The following ITSN1 variants were observed in gnomAD, a reference collection of about 807,000 sequenced individuals.
The protein encoded by ITSN1 is intersectin 1, also known as intersectin-1.
Under a neutral mutation model 239.8 loss-of-function variants are expected in ITSN1, and 58 were observed. The ratio of observed to expected loss-of-function variants is 0.24; its 90% CI spans 0.20 to 0.30. ITSN1 has a LOEUF of 0.30. ITSN1 is among the 10% of genes least tolerant of loss of function. The probability of loss-of-function intolerance (pLI) is 1.00; values close to 1 mark genes in which losing one functional copy is unlikely to be tolerated. For synonymous variants in ITSN1, 780 were observed against 770.8 expected (o/e 1.01, Z -0.20); for missense variants, 1,558 against 2,103.3 (o/e 0.74, Z 5.07).
At chr21:33,698,710 C>T (rs2091896320) in intron 1 of ITSN1, among the ~76,000 whole-genome samples, 2 of 152,126 alleles carry the variant, frequency 1.3e-5, no homozygotes, top group African/African-American at 4.8e-5. Context: ...TACCTTTTCT[C>T]TGTGTTTTAA....
At chr21:33,801,360 G>A (rs533642386) in intron 19 of ITSN1, among the ~76,000 whole-genome samples, 1 of 152,308 alleles carries the variant, frequency 6.6e-6, no homozygotes, top group South Asian at 2.1e-4. Flanking sequence ...ATAACAATAT[G>A]TTTGGCACTT....
intron 1 of ITSN1, among the ~76,000 whole-genome samples, chr21:33,700,951 CTG>C (rs72389168): frequency 0.23 from 32,613 of 141,636 alleles, 3,512 homozygotes; most frequent in Middle Eastern, 0.31. Context: ...TTTCTTTTTT[CTG>C]TGTGTGTGTG....
intron 9 of ITSN1, among the ~76,000 whole-genome samples, chr21:33,764,532 G>A (rs986289479): frequency 6.6e-5 from 10 of 152,152 alleles, no homozygotes; most frequent in African/African-American, 2.2e-4. Flanking sequence ...GGGCAAAGGA[G>A]GGAGTTGCTA....
At chr21:33,750,095 T>G in intron 5 of ITSN1, 48 bp from the exon 6 acceptor site, 3 of 1,557,604 alleles carry the variant, frequency 1.9e-6, no homozygotes, top group Non-Finnish European at 2.7e-6. Flanking sequence ...TATTCAGTGT[T>G]GAAATGTGAT....
intron 9 of ITSN1, among the ~76,000 whole-genome samples, chr21:33,765,358 C>A (rs1412030906): frequency 6.6e-6 from 1 of 152,184 alleles, no homozygotes; most frequent in Admixed American, 6.5e-5. Context: ...ATTAGCTAGG[C>A]ATGGTGGCGC....
chr21:33,793,698 G>C (rs2071324396), intron 16 of ITSN1, among the ~76,000 whole-genome samples: 1 of 152,144 alleles, frequency 6.6e-6, no homozygotes, highest in Admixed American at 6.5e-5. Context: ...TCAAATTATA[G>C]CTTTTTACTT....
chr21:33,795,645 G>A (rs2071488846), intron 17 of ITSN1, among the ~76,000 whole-genome samples: 1 of 151,934 alleles, frequency 6.6e-6, no homozygotes, highest in Non-Finnish European at 1.5e-5. Flanking sequence ...TGGTTTTCTT[G>A]GGGGTCAGAC....
At chr21:33,786,976 T>C (rs1369482770) in intron 16 of ITSN1, among the ~76,000 whole-genome samples, 1 of 152,248 alleles carries the variant, frequency 6.6e-6, no homozygotes. Flanking sequence ...CATCTCCAGC[T>C]CTGTGCTTCA....
intron 14 of ITSN1, among the ~76,000 whole-genome samples, chr21:33,778,602 G>A (rs1231539116): frequency 4.3e-5 from 3 of 69,872 alleles, no homozygotes; most frequent in Non-Finnish European, 6.6e-5. Flanking sequence ...TTTTTGAGAC[G>A]GAGTCTCGCT....
At chr21:33,836,965 G>A in intron 29 of ITSN1, 1 of 1,600,168 alleles carries the variant, frequency 6.2e-7, no homozygotes, top group Non-Finnish European at 8.5e-7. Context: ...TTGCTTATGT[G>A]TTGTTTTCCT....
rs1986607731 is a variant in ITSN1, at chr21:33,894,907, AACT to A, written c.*6608_*6610del. 2.0e-5 allele frequency: 3 copies of A among 152,198 alleles called. No individual in the cohort carries two copies. Among genetic ancestry groups the A allele is most frequent in the Non-Finnish European group, 2.9e-5 (2 of 68,056 alleles). 9.4% of individuals were successfully genotyped at this position (152,198 alleles called of 1,614,324 possible). On this transcript the variant is annotated 3_prime_UTR_variant, in exon 40 of 40. Coordinates refer to ENST00000381318, the MANE Select transcript of ITSN1 (RefSeq NM_003024.3). ...GGAGGGTCTCCCTGTAGGAGGAGGA[AACT>A]CGCTGTTTTCACTGGCAGATTTCAA...
At chr21:33,823,029 G>A (rs1430039325) in intron 24 of ITSN1, among the ~76,000 whole-genome samples, 2 of 152,166 alleles carry the variant, frequency 1.3e-5, no homozygotes, top group African/African-American at 4.8e-5. Context: ...AACCTGTGAC[G>A]TAGTACCCTC....
chr21:33,652,434 CTG>C (rs1409070815), intron 1 of ITSN1, among the ~76,000 whole-genome samples: 11 of 152,124 alleles, frequency 7.2e-5, no homozygotes, highest in Admixed American at 6.5e-5. Context: ...GTTTTGTAGC[CTG>C]TGTTTTTCAC....
In ITSN1 at chr21:33,895,370, A is replaced by AT. The variant is rs1222112694; in HGVS notation, c.*7075dup. The AT allele has an allele frequency of 6.6e-6, 1 of 152,386 alleles. No individual in the cohort carries two copies. The highest frequency in any genetic ancestry group is 2.4e-5 in the African/African-American group (1 of 41,392). 9.4% of individuals were successfully genotyped at this position (152,386 alleles called of 1,614,324 possible). A position where few individuals can be genotyped will look rare whatever the true frequency, so the allele number is the denominator to read the frequency against. ...CTTCTGGAATTTTAGGTGGAAGGGA[A>AT]TTTTTGTTGGTGGGACGCAGCAGCT... On this transcript the variant is annotated 3_prime_UTR_variant, in exon 40 of 40. Transcript: ENST00000381318.
chr21:33,753,761 T>TAAA lies in ITSN1; in HGVS notation c.624-1510_624-1508dup, dbSNP rs760085854. Among the ~76,000 whole-genome samples the TAAA allele has an allele frequency of 1.7e-3, 143 of 81,764 alleles. 8 individuals are homozygous for TAAA. Among genetic ancestry groups the TAAA allele is most frequent in the African/African-American group, 7.1e-3 (125 of 17,574 alleles). The allele number at this position is 81,764 out of a possible 152,430, so 53.6% of individuals were successfully genotyped here. A position where few individuals can be genotyped will look rare whatever the true frequency, so the allele number is the denominator to read the frequency against. ...TGGGTGACACGGCAAGTCTCTTTCT[T>TAAA]AAAAAAAAAAAAAAAAAAAAAAAAA... is the stretch of plus-strand genomic sequence containing the variant. On this transcript the variant is annotated intron_variant, in intron 7 of 39. Coordinates refer to ENST00000381318, the MANE Select transcript of ITSN1 (RefSeq NM_003024.3).
intron 29 of ITSN1, among the ~76,000 whole-genome samples, chr21:33,851,385 CTTTTTTCTTTTCTT>C (rs990700720): frequency 6.6e-6 from 1 of 152,010 alleles, no homozygotes; most frequent in African/African-American, 2.4e-5. Context: ...CACACGGGCT[CTTTTTTCTTTTCTT>C]TTTTTTCTTT....
chr21:33,761,599 A>ATTTATTGGGCTTT (rs2068332071), intron 8 of ITSN1, among the ~76,000 whole-genome samples: 3 of 152,192 alleles, frequency 2.0e-5, no homozygotes, highest in African/African-American at 7.2e-5. Flanking sequence ...TTTGTAAATA[A>ATTTATTGGGCTTT]AGCCCAATAC....
chr21:33,816,085 T>A (rs2073248809), intron 22 of ITSN1, among the ~76,000 whole-genome samples: 1 of 151,520 alleles, frequency 6.6e-6, no homozygotes, highest in Non-Finnish European at 1.5e-5. Flanking sequence ...CCCAGCTACT[T>A]GGGAGGCTGA....
intron 20 of ITSN1, 159 bp from the exon 21 acceptor site, chr21:33,810,816 G>C (rs1445353805): frequency 2.3e-6 from 2 of 872,850 alleles, no homozygotes; most frequent in African/African-American, 3.3e-5. Flanking sequence ...CAGCATTACT[G>C]CTTAGACTCT....
Sources: allele counts gnomAD v4.1 joint callset (sites outside exome capture counted in the v4.1 genomes callset), GRCh38; gene constraint gnomAD v4.1.1; transcripts MANE v1.5; gene names NCBI Gene and HGNC (gene_info 2026-07-23, HGNC 2026-07-21).